RBFOX1: variants seen among roughly 807,000 people sequenced by gnomAD.
The protein encoded by RBFOX1 is RNA binding protein fox-1 homolog 1.
RBFOX1 carries 8 observed loss-of-function variants against 57.7 expected under a neutral mutation model. The ratio of observed to expected loss-of-function variants is 0.14; its 90% confidence interval spans 0.08 to 0.25. The LOEUF (loss-of-function observed/expected upper bound fraction) is 0.25, where lower values mean the gene tolerates loss of function less well. Ranked by LOEUF, RBFOX1 falls within the 10% of genes least tolerant of loss-of-function variation. RBFOX1 has a pLI of 1.00. For synonymous variants in RBFOX1, 326 were observed against 222.4 expected (o/e 1.47, Z -4.15); for missense variants, 611 against 548.5 (o/e 1.11, Z -1.14).
chr16:6,859,850 G>A (rs972695533), intron 3 of RBFOX1, among the ~76,000 whole-genome samples: 3 of 152,144 alleles, frequency 2.0e-5, no homozygotes, highest in Non-Finnish European at 2.9e-5. Flanking sequence ...ACACTTTTGA[G>A]TATTCAGAGC....
chr16:5,926,274 G>A (rs957871978), intron 4 of RBFOX1, among the ~76,000 whole-genome samples: 2 of 152,194 alleles, frequency 1.3e-5, no homozygotes, highest in Non-Finnish European at 2.9e-5. Flanking sequence ...CCTGCATTCA[G>A]GAACGCTGTA....
At chr16:5,834,146 G>A (rs2056375692) in intron 3 of RBFOX1, among the ~76,000 whole-genome samples, 1 of 152,190 alleles carries the variant, frequency 6.6e-6, no homozygotes. Context: ...AATGGCTTCA[G>A]TGGTACACGT....
At chr16:7,274,914 C>T (rs1410711406) in intron 4 of RBFOX1, among the ~76,000 whole-genome samples, 1 of 151,900 alleles carries the variant, frequency 6.6e-6, no homozygotes, top group African/African-American at 2.4e-5. Context: ...GAGCTCTTGG[C>T]CTGAAGTGAC....
intron 1 of RBFOX1, among the ~76,000 whole-genome samples, chr16:5,422,735 G>GGGAAAGGGATGGGGA (rs2067380966): frequency 7.3e-6 from 1 of 136,506 alleles, no homozygotes; most frequent in African/African-American, 2.8e-5. Flanking sequence ...AGAGGGAGCA[G>GGGAAAGGGATGGGGA]GGAAAGGGAT....
intron 2 of RBFOX1, among the ~76,000 whole-genome samples, chr16:6,389,611 G>A (rs909130965): frequency 6.6e-6 from 1 of 152,138 alleles, no homozygotes; most frequent in South Asian, 2.1e-4. Context: ...CCTAAACTAT[G>A]GTGTGAGGGT....
intron 4 of RBFOX1, among the ~76,000 whole-genome samples, chr16:5,892,455 A>G (rs555666576): frequency 2.5e-4 from 38 of 152,306 alleles, no homozygotes; most frequent in African/African-American, 8.9e-4. Context: ...ATGGTACTTT[A>G]AATGGGTTAA....
intron 4 of RBFOX1, among the ~76,000 whole-genome samples, chr16:7,329,840 A>T (rs189549543): frequency 1.3e-5 from 2 of 152,224 alleles, no homozygotes; most frequent in African/African-American, 4.8e-5. Context: ...GGCACAAGGT[A>T]TAACTATATA....
At chr16:6,300,591 G>A (rs145689616) in intron 1 of RBFOX1, among the ~76,000 whole-genome samples, 1,529 of 152,270 alleles carry the variant, frequency 0.01, 27 homozygotes, top group African/African-American at 0.035. Flanking sequence ...GACTCATGAA[G>A]CCTCCTTCAT....
chr16:6,372,028 G>T (rs2090498647), intron 2 of RBFOX1, among the ~76,000 whole-genome samples: 1 of 152,188 alleles, frequency 6.6e-6, no homozygotes, highest in South Asian at 2.1e-4. Context: ...TAGGATTGTT[G>T]GGTGAAACGA....
rs529795414 is a variant in RBFOX1, at chr16:6,048,463, G to T, written c.-127+28471G>T. Among the ~76,000 whole-genome samples the T allele has an allele frequency of 1.8e-4, 28 of 152,150 alleles. No individual in the cohort carries two copies. The South Asian group carries it at 5.8e-3, about 32-fold the overall frequency. On this transcript the variant is annotated intron_variant, in intron 1 of 15. Coordinates refer to ENST00000550418, the MANE Select transcript of RBFOX1 (RefSeq NM_018723.4). ...TGAAACTTCATTATTTAATGTTCCCGGTAATAATAATGGACACCCATTTCT... is the reference window on the plus strand; with the variant it reads ...TGAAACTTCATTATTTAATGTTCCCTGTAATAATAATGGACACCCATTTCT...
intron 3 of RBFOX1, among the ~76,000 whole-genome samples, chr16:6,808,275 C>A (rs927249526): frequency 1.3e-5 from 2 of 151,250 alleles, no homozygotes; most frequent in Non-Finnish European, 1.5e-5. Context: ...TTTGGAATTA[C>A]CTCTTATCTT....
chr16:7,029,366 G>A (rs2153689480), intron 3 of RBFOX1, among the ~76,000 whole-genome samples: 1 of 150,562 alleles, frequency 6.6e-6, no homozygotes, highest in Non-Finnish European at 1.5e-5. Flanking sequence ...GGCCCTGATA[G>A]AAGAAAGCTG....
At position 5,575,075 on chromosome 16, in the gene RBFOX1, C is replaced by A. The variant is rs1323481094; in HGVS notation, c.259-23827C>A. On this transcript the variant is annotated intron_variant, in intron 2 of 2. Transcript: ENST00000585867. The stretch of plus-strand genomic sequence containing the variant: ...TCACCTTGTGATATAACAGCATCTC[C>A]TGAAGGATTTCCCATTGGGATTATT... Among the ~76,000 whole-genome samples, 3 of 152,162 alleles carry A rather than the reference C, an allele frequency of 2.0e-5. No individual in the cohort carries two copies. The East Asian group carries it at 5.8e-4, about 29-fold the overall frequency.
At chr16:6,111,793 T>A (rs17802299) in intron 1 of RBFOX1, among the ~76,000 whole-genome samples, 23,904 of 152,130 alleles carry the variant, frequency 0.16, 1,998 homozygotes, top group Admixed American at 0.27. Context: ...AATTCAGACA[T>A]ACATTAGTGG....
intron 3 of RBFOX1, among the ~76,000 whole-genome samples, chr16:6,935,739 T>A (rs1281975938): frequency 2.0e-5 from 3 of 152,162 alleles, no homozygotes; most frequent in Non-Finnish European, 4.4e-5. Flanking sequence ...TCTTCCTTGT[T>A]TTAATCAGAA....
chr16:5,900,068 ACT>A (rs1402395179), intron 4 of RBFOX1, among the ~76,000 whole-genome samples: 6 of 152,110 alleles, frequency 3.9e-5, no homozygotes, highest in African/African-American at 1.2e-4. Context: ...ACAGAGCAAG[ACT>A]CTGTCTCAAA....
At chr16:6,036,743 G>T (rs2095370480) in intron 1 of RBFOX1, among the ~76,000 whole-genome samples, 1 of 152,130 alleles carries the variant, frequency 6.6e-6, no homozygotes, top group South Asian at 2.1e-4. Context: ...TTAGATGGGA[G>T]GCACCAGTGA....
At chr16:6,861,475 C>G (rs1049950861) in intron 3 of RBFOX1, among the ~76,000 whole-genome samples, 2 of 140,146 alleles carry the variant, frequency 1.4e-5, no homozygotes, top group African/African-American at 2.5e-5. Context: ...AATGATTCCC[C>G]TCCCAACCCC....
intron 2 of RBFOX1, among the ~76,000 whole-genome samples, chr16:5,572,912 G>A (rs1175738315): frequency 1.3e-5 from 2 of 152,262 alleles, no homozygotes; most frequent in South Asian, 2.1e-4. Flanking sequence ...CAGGGCAGAC[G>A]GGGACAGAAG....
Sources: gnomAD v4.1 joint callset for allele counts (sites outside exome capture counted in the v4.1 genomes callset) on GRCh38, gnomAD v4.1.1 for gene constraint, MANE v1.5 for transcripts, NCBI Gene and HGNC (gene_info 2026-07-23, HGNC 2026-07-21) for gene names.